RSBN1: variants seen among roughly 807,000 people sequenced by gnomAD.
RSBN1 encodes round spermatid basic protein 1.
A neutral mutation model predicts 74.8 loss-of-function variants in RSBN1; 23 were observed. The observed-to-expected ratio is 0.31, with a 90% CI of 0.22 to 0.44. The LOEUF (loss-of-function observed/expected upper bound fraction) is 0.44, where lower values mean the gene tolerates loss of function less well. Ranked by LOEUF, RSBN1 falls within the 20% of genes least tolerant of loss-of-function variation. The probability of loss-of-function intolerance (pLI) is 1.00; values close to 1 mark genes in which losing one functional copy is unlikely to be tolerated. For synonymous variants in RSBN1, 407 were observed against 379.6 expected (o/e 1.07, Z -0.84); for missense variants, 808 against 1,020.9 (o/e 0.79, Z 2.84).
At chr1:113,807,366 G>A (rs1660726661) in intron 1 of RSBN1, among the ~76,000 whole-genome samples, 1 of 150,536 alleles carries the variant, frequency 6.6e-6, no homozygotes, top group Non-Finnish European at 1.5e-5. Flanking sequence ...CAAAAAGGAT[G>A]GAAAGACAAG....
chr1:113,765,740 CT>C lies in RSBN1; in HGVS notation c.*239del, dbSNP rs1334271061. The C allele has an allele frequency of 2.5e-6, 1 of 398,818 alleles. No homozygotes were observed. The highest frequency in any genetic ancestry group is 3.6e-5 in the East Asian group (1 of 27,468). The allele number at this position is 398,818 out of a possible 1,614,324, so 24.7% of individuals were successfully genotyped here. A position where few individuals can be genotyped will look rare whatever the true frequency, so the allele number is the denominator to read the frequency against. On this transcript the variant is annotated 3_prime_UTR_variant, in exon 7 of 7. Coordinates refer to ENST00000261441, the MANE Select transcript of RSBN1 (RefSeq NM_018364.5). ...AAGAGATTGAATTGTTACCTCACAC[CT>C]TAAAACAGAAAGTAGCAGCAGACCC...
In RSBN1 at chr1:113,777,199, G is replaced by C; in HGVS notation, c.1658+11C>G. The C allele has an allele frequency of 6.3e-7, 1 of 1,596,018 alleles. No individual in the cohort carries two copies. The highest frequency in any genetic ancestry group is 8.5e-7 in the Non-Finnish European group (1 of 1,171,894). ...AGTAGTTTTGCTTATTTGAGAAAAA[G>C]AAATATTTACCGTCGTCTTTTGAAG... is the stretch of plus-strand genomic sequence containing the variant. On this transcript the variant is annotated intron_variant, in intron 4 of 6. Transcript: ENST00000261441.
At chr1:113,795,284 T>C (rs920496866) in intron 2 of RSBN1, among the ~76,000 whole-genome samples, 5 of 152,212 alleles carry the variant, frequency 3.3e-5, no homozygotes, top group Admixed American at 6.5e-5. Flanking sequence ...TAACAAACAA[T>C]GAACATCTCC....
At chr1:113,804,257 AC>A (rs924293331) in intron 1 of RSBN1, among the ~76,000 whole-genome samples, 18 of 152,248 alleles carry the variant, frequency 1.2e-4, no homozygotes, top group Non-Finnish European at 2.1e-4. Context: ...ATCAAGAGAA[AC>A]ACATAAGAAA....
intron 2 of RSBN1, among the ~76,000 whole-genome samples, chr1:113,785,633 T>C (rs1660226136): frequency 6.6e-6 from 1 of 152,170 alleles, no homozygotes; most frequent in Non-Finnish European, 1.5e-5. Flanking sequence ...TAAATAAACA[T>C]TTAATTATAA....
At chr1:113,810,472 T>C (rs1287397057) in intron 1 of RSBN1, among the ~76,000 whole-genome samples, 12 of 152,136 alleles carry the variant, frequency 7.9e-5, no homozygotes, top group Admixed American at 7.9e-4. Context: ...GATCATTGCA[T>C]ATTGGTGGTG....
At chr1:113,775,028 T>A (rs1659993955) in intron 4 of RSBN1, among the ~76,000 whole-genome samples, 1 of 147,382 alleles carries the variant, frequency 6.8e-6, no homozygotes, top group South Asian at 2.1e-4. Context: ...GTGGCTACCT[T>A]TTTTTTTTTT....
chr1:113,795,008 T>C (rs1660442867), intron 2 of RSBN1, among the ~76,000 whole-genome samples: 1 of 152,244 alleles, frequency 6.6e-6, no homozygotes, highest in Non-Finnish European at 1.5e-5. Flanking sequence ...TTAACAGAAC[T>C]TCATAAAATG....
In RSBN1 at chr1:113,797,271, C is replaced by A. The variant is rs1443805513; in HGVS notation, c.1377+92G>T. ...ACCTTTATTACCATAAATTTGTTAT[C>A]AAAAATGTGCTGGTATGTGCTGTGC... On this transcript the variant is annotated intron_variant, in intron 2 of 6. Transcript: ENST00000261441. The A allele has an allele frequency of 1.7e-5, 17 of 1,010,166 alleles. 1 individual carries two copies. The highest frequency in any genetic ancestry group is 3.0e-4 in the Middle Eastern group (1 of 3,348). 62.6% of individuals were successfully genotyped at this position (1,010,166 alleles called of 1,614,324 possible). A position where few individuals can be genotyped will look rare whatever the true frequency, so the allele number is the denominator to read the frequency against.
At chr1:113,779,432 C>T (rs1164090776) in intron 2 of RSBN1, among the ~76,000 whole-genome samples, 1 of 152,050 alleles carries the variant, frequency 6.6e-6, no homozygotes, top group Non-Finnish European at 1.5e-5. Context: ...CTTACAAATC[C>T]TCCCCCCAAG....
At chr1:113,805,203 G>A (rs61817622) in intron 1 of RSBN1, among the ~76,000 whole-genome samples, 3 of 151,758 alleles carry the variant, frequency 2.0e-5, no homozygotes, top group South Asian at 2.1e-4. Flanking sequence ...TGCAACCTCC[G>A]CCTTCCAGGT....
chr1:113,775,026 CTT>C (rs570357627), intron 4 of RSBN1, among the ~76,000 whole-genome samples: 9 of 142,096 alleles, frequency 6.3e-5, no homozygotes, highest in Admixed American at 7.1e-5. Context: ...TGGTGGCTAC[CTT>C]TTTTTTTTTT....
chr1:113,777,842 A>C (rs1239017555), intron 2 of RSBN1, 34 bp from the exon 3 acceptor site: 1 of 1,515,030 alleles, frequency 6.6e-7, no homozygotes, highest in South Asian at 1.4e-5. Flanking sequence ...AAATGGACTG[A>C]GGTACAACTA....
Position 113,786,589 on chromosome 1 carries a change from G to T in RSBN1, c.1378-8781C>A, listed in dbSNP as rs60234629. 6.8e-4 allele frequency among the ~76,000 whole-genome samples: 104 copies of T among 152,274 alleles called. No homozygotes were observed. The East Asian group carries it at 0.011, about 16-fold the overall frequency. ...AGGGGCCACAAGCTAGGAAATGTAA[G>T]ACACAAGAAGCTAAAAAAGGCAAAA... is the stretch of plus-strand genomic sequence containing the variant. On this transcript the variant is annotated intron_variant, in intron 2 of 6. Transcript: ENST00000261441.
At chr1:113,783,743 A>G (rs1660184937) in intron 2 of RSBN1, among the ~76,000 whole-genome samples, 2 of 152,196 alleles carry the variant, frequency 1.3e-5, no homozygotes, top group African/African-American at 4.8e-5. Context: ...ACAGAGTGGT[A>G]AAGAGCTAGT....
At chr1:113,775,111 G>T (rs944003859) in intron 4 of RSBN1, among the ~76,000 whole-genome samples, 1 of 150,008 alleles carries the variant, frequency 6.7e-6, no homozygotes, top group South Asian at 2.1e-4. Flanking sequence ...TGCAACCTTC[G>T]CCTCCCAGGT....
At chr1:113,800,315 C>T (rs1660555743) in intron 1 of RSBN1, among the ~76,000 whole-genome samples, 1 of 151,958 alleles carries the variant, frequency 6.6e-6, no homozygotes. Flanking sequence ...AAAAAGTCAT[C>T]TTTTATTCTA....
intron 2 of RSBN1, among the ~76,000 whole-genome samples, chr1:113,778,157 T>C (rs1164116697): frequency 6.6e-6 from 1 of 152,124 alleles, no homozygotes; most frequent in Non-Finnish European, 1.5e-5. Context: ...AGTAAAATCA[T>C]CAGGGCAGGG....
At chr1:113,804,455 C>T (rs1660660024) in intron 1 of RSBN1, among the ~76,000 whole-genome samples, 1 of 152,184 alleles carries the variant, frequency 6.6e-6, no homozygotes, top group South Asian at 2.1e-4. Context: ...ACCTATCTGA[C>T]TCCAAAACAA....
Sources: allele counts gnomAD v4.1 joint callset (sites outside exome capture counted in the v4.1 genomes callset), GRCh38; gene constraint gnomAD v4.1.1; transcripts MANE v1.5; gene names NCBI Gene and HGNC (gene_info 2026-07-23, HGNC 2026-07-21).